The following DDX3X variants were observed in gnomAD, a reference collection of about 807,000 sequenced individuals.
DDX3X encodes ATP-dependent RNA helicase DDX3X.
A neutral mutation model predicts 52.7 loss-of-function variants in DDX3X; 4 were observed. The observed-to-expected ratio is 0.08, with a 90% confidence interval of 0.04 to 0.17. DDX3X has a LOEUF of 0.17. Ranked by LOEUF, DDX3X falls within the 10% of genes least tolerant of loss-of-function variation. The pLI, the probability that DDX3X is intolerant of heterozygous loss-of-function variation, is 1.00. For missense variants in DDX3X, 222 were observed against 548.6 expected, an observed-to-expected ratio of 0.40 and a Z score of 5.95; for synonymous variants, 192 against 178.1, an observed-to-expected ratio of 1.08 and a Z score of -0.62.
intron 1 of DDX3X, chrX:41,334,847 G>C (rs1346361297): frequency 1.3e-6 from 1 of 750,705 alleles, no homozygotes; most frequent in East Asian, 9.9e-5. Flanking sequence ...GTGTGGTGCT[G>C]GGCGGCGCTG....
chrX:41,335,827 C>T (rs959466973), intron 1 of DDX3X: 2 of 112,317 alleles, frequency 1.8e-5, no homozygotes, highest in African/African-American at 6.5e-5. Flanking sequence ...CTACCAGCAG[C>T]ACAGAGTATT....
chrX:41,343,627 C>A, intron 7 of DDX3X, 110 bp from the exon 8 acceptor site: 1 of 734,956 alleles, frequency 1.4e-6, no homozygotes, highest in Non-Finnish European at 2.0e-6. Context: ...AAAACTTAAG[C>A]ATAAACTAAA....
intron 1 of DDX3X, chrX:41,334,659 G>C (rs1211607637): frequency 1.9e-6 from 2 of 1,051,461 alleles, no homozygotes; most frequent in Non-Finnish European, 2.5e-6. Context: ...GGCGGGACGC[G>C]ACTGGAGGCC....
At chrX:41,334,690 G>C (rs1319499033) in intron 1 of DDX3X, 1 of 1,012,563 alleles carries the variant, frequency 9.9e-7, no homozygotes, top group East Asian at 5.9e-5. Context: ...GGAGGGCTTC[G>C]GCCTTCACGG....
intron 12 of DDX3X, chrX:41,346,025 G>A (rs1246327856): frequency 4.9e-6 from 2 of 411,232 alleles, no homozygotes; most frequent in Admixed American, 9.4e-5. Flanking sequence ...CTCAGCCTGG[G>A]CAATTTAGTG....
intron 3 of DDX3X, 134 bp downstream of exon 3, chrX:41,339,217 C>T: frequency 3.6e-6 from 1 of 278,323 alleles, no homozygotes; most frequent in Admixed American, 5.0e-5. Context: ...AGCCTTGGTT[C>T]AAATACTAGA....
chrX:41,347,668 T>C lies in DDX3X; in HGVS notation c.1938T>C (p.Asp646=), dbSNP rs147736247. 993 of 1,200,651 alleles carry C rather than the reference T, an allele frequency of 8.3e-4. 7 individuals are homozygous for C. The African/African-American group carries it at 0.016, about 19-fold the overall frequency. ...GCTATGGAGGCTTTTACAACAGTGATGGATATGGAGGAAATTATAACTCCC... is the reference window on the plus strand; with the variant it reads ...GCTATGGAGGCTTTTACAACAGTGACGGATATGGAGGAAATTATAACTCCC... ...GGGYGGFYNS[D]GYGGNYNSQG... is the part of the protein sequence containing the mutation. The change falls in exon 17 of 17, where the codon GAT becomes GAC. Residue 646 remains aspartate, a synonymous_variant. Coordinates refer to ENST00000644876, the MANE Select transcript of DDX3X (RefSeq NM_001356.5).
At chrX:41,338,333 C>T (rs1453767477) in intron 2 of DDX3X, 1 of 111,218 alleles carries the variant, frequency 9.0e-6, no homozygotes, top group Non-Finnish European at 1.9e-5. Flanking sequence ...ATTTGTCATG[C>T]TAAGAATCTT....
intron 1 of DDX3X, chrX:41,334,956 T>A: frequency 5.1e-6 from 1 of 197,699 alleles, no homozygotes; most frequent in Non-Finnish European, 8.4e-6. Flanking sequence ...TTCCGCTGGC[T>A]TTTTCGCTTC....
upstream of DDX3X, chrX:41,334,154 T>G: frequency 1.1e-6 from 1 of 911,634 alleles, no homozygotes; most frequent in Non-Finnish European, 1.6e-6. Context: ...GGCCGCGCGG[T>G]GCGCTCCAGA....
At chrX:41,346,142 T>C in intron 12 of DDX3X, 87 bp from the exon 13 acceptor site, 1 of 819,889 alleles carries the variant, frequency 1.2e-6, no homozygotes, top group Non-Finnish European at 1.7e-6. Flanking sequence ...ATATGTATTT[T>C]AATTGACACA....
downstream of DDX3X, chrX:41,351,061 AGAT>A (rs953230787): frequency 8.1e-5 from 9 of 111,767 alleles, no homozygotes; most frequent in African/African-American, 2.0e-4. Flanking sequence ...AAGATAGAAA[AGAT>A]GATGGTACTT....
intron 3 of DDX3X, chrX:41,340,844 C>T: frequency 6.7e-6 from 2 of 296,810 alleles, no homozygotes; most frequent in Non-Finnish European, 1.2e-5. Context: ...AACTCATTCA[C>T]ACCTATAAAA....
rs1341824034 is a variant in DDX3X, at chrX:41,339,054, C to A, written c.122C>A (p.Pro41His). The A allele has an allele frequency of 9.3e-7, 1 of 1,077,591 alleles. No homozygotes were observed. The highest frequency in any genetic ancestry group is 1.2e-6 in the Non-Finnish European group (1 of 817,474). 88.8% of individuals were successfully genotyped at this position (1,077,591 alleles called of 1,213,427 possible). The part of the protein sequence containing the change: ...STASKGRYIP[P>H]HLRNREATKG... ...TTTTTAGAAGGGCGCTATATTCCTC[C>A]TCATTTAAGGAACCGAGAAGCTACT... The change falls in exon 3 of 17, where the codon CCT (proline) becomes CAT (histidine). Residue 41 changes from proline to histidine, a missense_variant. Pro to His is a moderately conservative substitution (Grantham distance 77). Around this residue, in one of 5 missense-constraint regions of DDX3X, gnomAD observed 93 missense variants for 123.7 expected, o/e 0.75. Coordinates refer to ENST00000644876, the MANE Select transcript of DDX3X (RefSeq NM_001356.5).
Position 41,345,546 on chromosome X carries a change from C to G in DDX3X, c.1313C>G (p.Thr438Arg). The change falls in exon 12 of 17, where the codon ACA becomes AGA. Residue 438 changes from threonine to arginine, a missense_variant and splice_region_variant. Physicochemically the swap from Thr to Arg is moderately conservative, Grantham distance 71. Transcript: ENST00000644876. ...RSFLLDLLNATGKDSLTLVFV... is the reference protein window; with the variant it reads ...RSFLLDLLNARGKDSLTLVFV... ...TTTCTGCTTGACCTCCTAAATGCAACAGGTAACATTATGAATTTTTTATTT... is the reference window on the plus strand; with the variant it reads ...TTTCTGCTTGACCTCCTAAATGCAAGAGGTAACATTATGAATTTTTTATTT... 1 of 1,194,285 alleles carries G rather than the reference C, an allele frequency of 8.4e-7. No individual in the cohort carries two copies. The highest frequency in any genetic ancestry group is 1.1e-6 in the Non-Finnish European group (1 of 887,093).
Position 41,349,892 on chromosome X carries a change from A to G in DDX3X, c.*2173A>G, listed in dbSNP as rs1177439884. 2 of 101,861 alleles carry G rather than the reference A, an allele frequency of 2.0e-5. No homozygotes were observed. Among genetic ancestry groups the G allele is most frequent in the Non-Finnish European group, 2.0e-5 (1 of 50,531 alleles). The allele number at this position is 101,861 out of a possible 1,213,427, so 8.4% of individuals were successfully genotyped here. A position where few individuals can be genotyped will look rare whatever the true frequency, so the allele number is the denominator to read the frequency against. On this transcript the variant is annotated 3_prime_UTR_variant, in exon 17 of 17. Transcript: ENST00000644876. ...GATGTTTGTTGTGTGGATTTTGTTTAGTTGTGTGTTTTTTTTTTTTTTTCA... is the reference window on the plus strand; with the variant it reads ...GATGTTTGTTGTGTGGATTTTGTTTGGTTGTGTGTTTTTTTTTTTTTTTCA...
chrX:41,335,366 C>G (rs1446336188), intron 1 of DDX3X: 1 of 111,398 alleles, frequency 9.0e-6, no homozygotes, highest in East Asian at 2.8e-4. Flanking sequence ...TGACTTGTTG[C>G]TATCTGTGGA....
In DDX3X at chrX:41,343,686, A is replaced by T. The variant is rs769122638; in HGVS notation, c.680-51A>T. On this transcript the variant is annotated intron_variant, in intron 7 of 16. Coordinates refer to ENST00000644876, the MANE Select transcript of DDX3X (RefSeq NM_001356.5). ...TAGTTAAAAAACACTGTCATCTACCAATGTCTGTTTAAAAGTAATGAGCAG... is the reference window on the plus strand; with the variant it reads ...TAGTTAAAAAACACTGTCATCTACCTATGTCTGTTTAAAAGTAATGAGCAG... The T allele has an allele frequency of 7.6e-6, 8 of 1,056,609 alleles. No homozygotes were observed. In the East Asian group the frequency reaches 2.4e-4, roughly 32 times the overall value. 87.1% of individuals were successfully genotyped at this position (1,056,609 alleles called of 1,213,427 possible).
intron 6 of DDX3X, 47 bp from the exon 7 acceptor site, chrX:41,343,167 CAG>C (rs1462922083): frequency 2.6e-6 from 3 of 1,170,335 alleles, no homozygotes; most frequent in African/African-American, 1.8e-5. Flanking sequence ...TAGTATAAAA[CAG>C]AAATAGCTCT....
Sources: gnomAD v4.1 joint callset for allele counts on GRCh38, gnomAD v4.1.1 for gene constraint, gnomAD v4.1.1 regional missense constraint, MANE v1.5 for transcripts, NCBI Gene and HGNC (gene_info 2026-07-23, HGNC 2026-07-21) for gene names.